Variants in SPECC1 observed in about 807,000 individuals in gnomAD.
SPECC1 encodes the protein cytospin-B.
A neutral mutation model predicts 104.1 loss-of-function variants in SPECC1; 62 were observed. The observed-to-expected ratio is 0.60, with a 90% CI of 0.49 to 0.74. The LOEUF (loss-of-function observed/expected upper bound fraction) is 0.74, where lower values mean the gene tolerates loss of function less well. SPECC1 is among the 30% of genes least tolerant of loss of function. The pLI, the probability that SPECC1 is intolerant of heterozygous loss-of-function variation, is 0.00. For missense variants in SPECC1, 1,306 were observed against 1,310.5 expected (o/e 1.00, Z 0.05); for synonymous variants, 513 against 501.6 (o/e 1.02, Z -0.30).
At chr17:20,235,775 A>C (rs1454036297) in intron 7 of SPECC1, among the ~76,000 whole-genome samples, 1 of 152,232 alleles carries the variant, frequency 6.6e-6, no homozygotes, top group Non-Finnish European at 1.5e-5. Flanking sequence ...AAACACACTT[A>C]ATATCTGTGC....
intron 12 of SPECC1, among the ~76,000 whole-genome samples, chr17:20,289,891 C>T (rs879434202): frequency 6.6e-6 from 1 of 152,188 alleles, no homozygotes; most frequent in African/African-American, 2.4e-5. Context: ...CCTCTGCCAA[C>T]GTCAGCAATA....
At chr17:20,232,745 C>T (rs968156236) in intron 7 of SPECC1, among the ~76,000 whole-genome samples, 3 of 152,172 alleles carry the variant, frequency 2.0e-5, no homozygotes, top group Non-Finnish European at 2.9e-5. Flanking sequence ...AAATACGAAT[C>T]CACCACCTTG....
intron 3 of SPECC1, among the ~76,000 whole-genome samples, chr17:20,138,299 C>T (rs926026362): frequency 6.6e-6 from 1 of 152,128 alleles, no homozygotes; most frequent in African/African-American, 2.4e-5. Flanking sequence ...CATACACCCT[C>T]TGCCCCCACA....
At chr17:20,131,639 C>CTTTTTTTTTT (rs541723505) in intron 3 of SPECC1, among the ~76,000 whole-genome samples, 40 of 117,992 alleles carry the variant, frequency 3.4e-4, no homozygotes, top group Non-Finnish European at 4.0e-4. Context: ...CAGTCTTCTT[C>CTTTTTTTTTT]TTTTTTTTTT....
intron 3 of SPECC1, among the ~76,000 whole-genome samples, chr17:20,169,131 T>G (rs907119761): frequency 3.9e-5 from 6 of 152,136 alleles, no homozygotes; most frequent in Admixed American, 1.3e-4. Context: ...CCTCAGCCTC[T>G]CAAAGTACTG....
intron 9 of SPECC1, among the ~76,000 whole-genome samples, chr17:20,252,852 A>G (rs1258206759): frequency 6.6e-6 from 1 of 152,050 alleles, no homozygotes; most frequent in Admixed American, 6.6e-5. Flanking sequence ...TCTCTTTGAG[A>G]TCCTGTTTTC....
At chr17:20,075,960 T>G (rs537124829) in intron 1 of SPECC1, among the ~76,000 whole-genome samples, 1 of 152,044 alleles carries the variant, frequency 6.6e-6, no homozygotes, top group Non-Finnish European at 1.5e-5. Flanking sequence ...AAACTAAAAA[T>G]TAAAATAAGT....
intron 1 of SPECC1, among the ~76,000 whole-genome samples, chr17:20,048,002 C>G (rs1332366402): frequency 6.6e-6 from 1 of 152,126 alleles, no homozygotes; most frequent in Non-Finnish European, 1.5e-5. Flanking sequence ...GTGCTTTTCT[C>G]CATTGGTGTC....
intron 12 of SPECC1, among the ~76,000 whole-genome samples, chr17:20,276,670 G>A (rs2040585737): frequency 6.6e-6 from 1 of 152,186 alleles, no homozygotes; most frequent in South Asian, 2.1e-4. Flanking sequence ...TGAAGAGGTG[G>A]AAAAACCCAG....
chr17:20,313,296 A>G (rs1332823087), intron 14 of SPECC1, among the ~76,000 whole-genome samples: 2 of 152,280 alleles, frequency 1.3e-5, no homozygotes, highest in Admixed American at 6.5e-5. Flanking sequence ...AGTAGTAACA[A>G]TGCTGGTAAA....
chr17:20,305,893 A>T, intron 13 of SPECC1, 130 bp from the exon 14 acceptor site: 1 of 746,598 alleles, frequency 1.3e-6, no homozygotes, highest in Non-Finnish European at 2.1e-6. Flanking sequence ...CAAATATTGT[A>T]CACTTGACTT....
chr17:20,190,668 T>G (rs569621285), intron 3 of SPECC1, among the ~76,000 whole-genome samples: 1 of 152,330 alleles, frequency 6.6e-6, no homozygotes, highest in East Asian at 1.9e-4. Context: ...AGGTTCACTC[T>G]TGGCATTGTG....
At position 20,294,170 on chromosome 17, in the gene SPECC1, C is replaced by T. The variant is rs140866594; in HGVS notation, c.2941-2791C>T. Among the ~76,000 whole-genome samples, 1,306 of 152,208 alleles carry T rather than the reference C, an allele frequency of 8.6e-3. 13 individuals are homozygous for T. The highest frequency in any genetic ancestry group is 0.013 in the Non-Finnish European group (891 of 67,994). On this transcript the variant is annotated intron_variant, in intron 12 of 14. Coordinates refer to ENST00000395527, the MANE Select transcript of SPECC1 (RefSeq NM_001243439.2). ...CTCATTTTTGTATTTTTAGTAGAGACGGGGTTTAACCATGTTGGCTAAGCT... is the reference window on the plus strand; with the variant it reads ...CTCATTTTTGTATTTTTAGTAGAGATGGGGTTTAACCATGTTGGCTAAGCT...
At position 20,204,080 on chromosome 17, in the gene SPECC1, G is replaced by A. The variant is rs538694237; in HGVS notation, c.284-253G>A. On this transcript the variant is annotated intron_variant, in intron 3 of 14. Transcript: ENST00000395527. Reference sequence around the variant, plus strand: ...TCTTAATTGAGTTGTGTGCCCATGCGTGAACCAGCAACTGGCTGGGGATGG... The same window carrying A: ...TCTTAATTGAGTTGTGTGCCCATGCATGAACCAGCAACTGGCTGGGGATGG... 3.3e-5 allele frequency among the ~76,000 whole-genome samples: 5 copies of A among 152,254 alleles called. No homozygotes were observed. In the South Asian group the frequency reaches 6.2e-4, roughly 19 times the overall value.
chr17:20,224,405 G>C (rs1177342790), intron 4 of SPECC1, among the ~76,000 whole-genome samples: 1 of 152,232 alleles, frequency 6.6e-6, no homozygotes, highest in Non-Finnish European at 1.5e-5. Flanking sequence ...GGGGAATCTA[G>C]CCAGGCTTGT....
intron 1 of SPECC1, among the ~76,000 whole-genome samples, chr17:20,021,173 G>T (rs1485941373): frequency 6.6e-6 from 1 of 151,946 alleles, no homozygotes; most frequent in East Asian, 1.9e-4. Flanking sequence ...AGGGGGAGGA[G>T]GAAGAAGAGG....
intron 3 of SPECC1, among the ~76,000 whole-genome samples, chr17:20,120,262 T>C (rs866008080): frequency 6.6e-5 from 10 of 151,962 alleles, no homozygotes; most frequent in Middle Eastern, 3.4e-3. Context: ...GGCGGGTGCC[T>C]GTAATCCCAG....
Position 20,096,691 on chromosome 17 carries a change from G to A in SPECC1, c.40G>A (p.Ala14Thr), listed in dbSNP as rs1361074507. 1.2e-6 allele frequency: 2 copies of A among 1,614,190 alleles called. No homozygotes were observed. Among genetic ancestry groups the A allele is most frequent in the Non-Finnish European group, 1.7e-6 (2 of 1,180,014 alleles). ...AAKPWNPAIR[A>T]GGHGPDRVRP... The stretch of plus-strand genomic sequence containing the variant: ...CAAGCCCTGGAACCCAGCCATCAGA[G>A]CAGGGGGCCACGGCCCAGACCGGGT... Residue 14 changes from alanine to threonine, a missense_variant, in exon 2 of 15, where the codon GCA (alanine) becomes ACA (threonine). By Grantham distance (58) the Ala-to-Thr change is moderately conservative. Transcript: ENST00000395527.
intron 3 of SPECC1, chr17:20,156,065 G>C (rs1055197700): frequency 2.3e-6 from 3 of 1,310,804 alleles, no homozygotes; most frequent in Admixed American, 8.3e-5. Flanking sequence ...ACTGGAAGGC[G>C]CCCGGTCCTT....
Sources: gnomAD v4.1 joint callset for allele counts (sites outside exome capture counted in the v4.1 genomes callset) on GRCh38, gnomAD v4.1.1 for gene constraint, MANE v1.5 for transcripts, NCBI Gene and HGNC (gene_info 2026-07-23, HGNC 2026-07-21) for gene names.